UNC5C: variants seen among roughly 807,000 people sequenced by gnomAD.
UNC5C encodes unc-5 netrin receptor C, also known as netrin receptor UNC5C.
A neutral mutation model predicts 99.8 loss-of-function variants in UNC5C; 47 were observed. That is an observed-to-expected ratio of 0.47 (90% CI 0.37 to 0.60). The LOEUF is 0.60. Among genes scored for constraint, UNC5C ranks in the 20% least tolerant of loss-of-function variants. The pLI, the probability that UNC5C is intolerant of heterozygous loss-of-function variation, is 0.00. For missense variants in UNC5C, 1,062 were observed against 1,165.9 expected, an observed-to-expected ratio of 0.91 and a Z score of 1.30; for synonymous variants, 487 against 452.2, an observed-to-expected ratio of 1.08 and a Z score of -0.98.
intron 1 of UNC5C, among the ~76,000 whole-genome samples, chr4:95,356,193 C>CAAAA (rs59097041): frequency 0.019 from 1,109 of 57,826 alleles, 12 homozygotes; most frequent in Non-Finnish European, 0.029. Context: ...GACCCTGTAG[C>CAAAA]AAAAAAAAAA....
intron 1 of UNC5C, among the ~76,000 whole-genome samples, chr4:95,341,874 C>T (rs981054465): frequency 4.6e-5 from 7 of 152,014 alleles, no homozygotes; most frequent in East Asian, 1.9e-4. Flanking sequence ...AGTGATTGTG[C>T]GACTTTGCAT....
intron 1 of UNC5C, among the ~76,000 whole-genome samples, chr4:95,428,823 G>A (rs1389183944): frequency 3.3e-5 from 5 of 152,042 alleles, no homozygotes; most frequent in Non-Finnish European, 5.9e-5. Context: ...AAGGTCAAGT[G>A]GGCAAACCCA....
chr4:95,338,205 C>T (rs1365951875), intron 1 of UNC5C, among the ~76,000 whole-genome samples: 2 of 151,990 alleles, frequency 1.3e-5, no homozygotes, highest in African/African-American at 2.4e-5. Flanking sequence ...GTTGGTCCCA[C>T]CATCAAGTTA....
At chr4:95,251,500 T>C (rs528127841) in intron 4 of UNC5C, among the ~76,000 whole-genome samples, 4 of 152,352 alleles carry the variant, frequency 2.6e-5, no homozygotes, top group Admixed American at 1.3e-4. Flanking sequence ...TTATACTTGC[T>C]GAATAAAAAG....
At chr4:95,269,658 C>T (rs1003140303) in intron 4 of UNC5C, among the ~76,000 whole-genome samples, 7 of 151,624 alleles carry the variant, frequency 4.6e-5, no homozygotes, top group South Asian at 2.1e-4. Context: ...GCTCCTAGAT[C>T]GTGTTGATGT....
rs542742885 is a variant in UNC5C at position 95,477,913 on chromosome 4, C to T, written c.124+70821G>A. Among the ~76,000 whole-genome samples the T allele has an allele frequency of 3.9e-5, 6 of 152,066 alleles. No individual in the cohort carries two copies. The South Asian group carries it at 1.2e-3, about 32-fold the overall frequency. On this transcript the variant is annotated intron_variant, in intron 1 of 15. Transcript: ENST00000453304. ...GTGTCACCCTAACCAAATGAGGTAG[C>T]CTGTCTCTGGGACCAATTAATAGTA...
At chr4:95,424,310 A>G (rs1487189324) in intron 1 of UNC5C, among the ~76,000 whole-genome samples, 1 of 151,784 alleles carries the variant, frequency 6.6e-6, no homozygotes, top group Non-Finnish European at 1.5e-5. Flanking sequence ...AAATTGAAAT[A>G]CCAAAATTAC....
intron 1 of UNC5C, among the ~76,000 whole-genome samples, chr4:95,345,388 G>T (rs1743733827): frequency 6.6e-6 from 1 of 151,838 alleles, no homozygotes; most frequent in Non-Finnish European, 1.5e-5. Flanking sequence ...GAGAGAGATA[G>T]ACCTCAATAC....
At chr4:95,286,061 T>A (rs1046874097) in intron 3 of UNC5C, among the ~76,000 whole-genome samples, 19 of 152,114 alleles carry the variant, frequency 1.2e-4, no homozygotes, top group Admixed American at 1.1e-3. Context: ...ATAGGAAAGG[T>A]CACCTATAAA....
intron 1 of UNC5C, among the ~76,000 whole-genome samples, chr4:95,392,794 AT>A (rs1396200795): frequency 2.0e-5 from 3 of 152,158 alleles, no homozygotes; most frequent in African/African-American, 7.2e-5. Flanking sequence ...ACTACAAAGT[AT>A]TAAAAAGCAT....
intron 1 of UNC5C, among the ~76,000 whole-genome samples, chr4:95,368,296 T>TTAAAAA (rs761735292): frequency 1.8e-5 from 1 of 54,834 alleles, no homozygotes. Context: ...ACATCTTTTT[T>TTAAAAA]GAAAAAAAAA....
intron 1 of UNC5C, among the ~76,000 whole-genome samples, chr4:95,439,627 T>G (rs1210763152): frequency 6.6e-6 from 1 of 152,164 alleles, no homozygotes; most frequent in African/African-American, 2.4e-5. Flanking sequence ...TTTGATTGTA[T>G]AAAAAGCATC....
intron 1 of UNC5C, among the ~76,000 whole-genome samples, chr4:95,389,817 A>G (rs12508800): frequency 0.058 from 8,783 of 152,160 alleles, 643 homozygotes; most frequent in Admixed American, 0.15. Flanking sequence ...TATCATTAAT[A>G]GTTTAAAAAT....
chr4:95,193,675 G>A (rs1452613096), intron 12 of UNC5C, among the ~76,000 whole-genome samples: 1 of 152,182 alleles, frequency 6.6e-6, no homozygotes, highest in Non-Finnish European at 1.5e-5. Flanking sequence ...TGCTGTCTCT[G>A]TCACAGCTGT....
intron 4 of UNC5C, among the ~76,000 whole-genome samples, chr4:95,257,542 G>A (rs1740049217): frequency 6.6e-6 from 1 of 152,198 alleles, no homozygotes; most frequent in Non-Finnish European, 1.5e-5. Flanking sequence ...GGGTGCAAGG[G>A]GCACTCATCT....
At chr4:95,413,450 A>T (rs1746060859) in intron 1 of UNC5C, among the ~76,000 whole-genome samples, 1 of 152,170 alleles carries the variant, frequency 6.6e-6, no homozygotes, top group African/African-American at 2.4e-5. Context: ...CAGAATTGCC[A>T]TTCATCAAGC....
chr4:95,167,688 A>C lies in UNC5C; in HGVS notation c.*1546T>G, dbSNP rs576026309. 40 of 152,366 alleles carry C rather than the reference A, an allele frequency of 2.6e-4. No homozygotes were observed. The highest frequency in any genetic ancestry group is 8.9e-4 in the African/African-American group (37 of 41,588). The allele number at this position is 152,366 out of a possible 1,614,324, so 9.4% of individuals were successfully genotyped here. On this transcript the variant is annotated 3_prime_UTR_variant, in exon 16 of 16. Transcript: ENST00000453304. ...GATGTCATCTCTCAGTGAACAGCAT[A>C]ATGCAATGATGCAGAGCGACTCAGG...
chr4:95,405,541 C>A (rs901489623), intron 1 of UNC5C, among the ~76,000 whole-genome samples: 5 of 152,138 alleles, frequency 3.3e-5, no homozygotes, highest in African/African-American at 7.2e-5. Context: ...CTAGTTGCTG[C>A]GAACCCAAAA....
chr4:95,526,022 T>C (rs1722490229), intron 1 of UNC5C, among the ~76,000 whole-genome samples: 1 of 152,208 alleles, frequency 6.6e-6, no homozygotes, highest in Non-Finnish European at 1.5e-5. Context: ...TACTCTGTTA[T>C]TTGACATGGG....
Sources: gnomAD v4.1 joint callset for allele counts (sites outside exome capture counted in the v4.1 genomes callset) on GRCh38, gnomAD v4.1.1 for gene constraint, MANE v1.5 for transcripts, NCBI Gene and HGNC (gene_info 2026-07-23, HGNC 2026-07-21) for gene names.